GPM6A: variants seen among roughly 807,000 people sequenced by gnomAD.
The protein encoded by GPM6A is neuronal membrane glycoprotein M6-a.
Under a neutral mutation model 32.1 loss-of-function variants are expected in GPM6A, and 7 were observed. That is an observed-to-expected ratio of 0.22 (90% CI 0.12 to 0.41). The LOEUF is 0.41. Among genes scored for constraint, GPM6A ranks in the 10% least tolerant of loss-of-function variants. GPM6A has a pLI of 1.00. For missense variants in GPM6A, 235 were observed against 347.2 expected (o/e 0.68, Z 2.57); for synonymous variants, 130 against 123.4 (o/e 1.05, Z -0.35).
chr4:175,771,347 G>C (rs972455759), intron 1 of GPM6A, among the ~76,000 whole-genome samples: 4 of 152,034 alleles, frequency 2.6e-5, no homozygotes, highest in African/African-American at 9.7e-5. Flanking sequence ...GCCGAGACAG[G>C]GGGATCATGA....
At chr4:175,887,101 C>A (rs890057155) in intron 1 of GPM6A, among the ~76,000 whole-genome samples, 1 of 151,776 alleles carries the variant, frequency 6.6e-6, no homozygotes, top group Middle Eastern at 3.2e-3. Flanking sequence ...ATATATGAAA[C>A]CTGGTACCCA....
chr4:175,848,409 T>A (rs1385263772), intron 1 of GPM6A, among the ~76,000 whole-genome samples: 1 of 152,168 alleles, frequency 6.6e-6, no homozygotes, highest in Non-Finnish European at 1.5e-5. Context: ...CCCTAGAGTT[T>A]CCTTTTTATT....
intron 1 of GPM6A, among the ~76,000 whole-genome samples, chr4:175,909,271 C>T (rs914258210): frequency 4.6e-5 from 7 of 152,042 alleles, no homozygotes; most frequent in South Asian, 2.1e-4. Flanking sequence ...CACATATCAG[C>T]GGTTGCTAAG....
chr4:175,799,455 C>CT (rs530928412), intron 1 of GPM6A, among the ~76,000 whole-genome samples: 281 of 152,092 alleles, frequency 1.8e-3, no homozygotes, highest in Middle Eastern at 6.8e-3. Flanking sequence ...ATCTAGGAAT[C>CT]TAAGAGTCAA....
At chr4:175,738,571 C>T (rs551251266) in intron 1 of GPM6A, among the ~76,000 whole-genome samples, 1 of 151,068 alleles carries the variant, frequency 6.6e-6, no homozygotes, top group South Asian at 2.1e-4. Flanking sequence ...GTAGGGAGAC[C>T]GAGAAGAGGG....
chr4:175,946,590 G>C (rs1739613479), intron 1 of GPM6A, among the ~76,000 whole-genome samples: 1 of 152,166 alleles, frequency 6.6e-6, no homozygotes, highest in Non-Finnish European at 1.5e-5. Context: ...TTTTGAGGCA[G>C]GTGGTCCATA....
At position 175,970,546 on chromosome 4, in the gene GPM6A, T is replaced by C. The variant is rs1740470226; in HGVS notation, c.-23+31763A>G. Reference sequence around the variant, plus strand: ...GCTACAAGGAATACACAGAAAGAGTTGGACAGAGTTCTTGCTGTCTTTGGA... The same window carrying C: ...GCTACAAGGAATACACAGAAAGAGTCGGACAGAGTTCTTGCTGTCTTTGGA... On this transcript the variant is annotated intron_variant, in intron 1 of 7. Transcript: ENST00000280187. Among the ~76,000 whole-genome samples, 3 of 152,228 alleles carry C rather than the reference T, an allele frequency of 2.0e-5. No homozygotes were observed. In the South Asian group the frequency reaches 6.2e-4, roughly 32 times the overall value.
chr4:175,816,853 C>CT (rs1315030066), upstream of GPM6A, among the ~76,000 whole-genome samples: 3 of 130,750 alleles, frequency 2.3e-5, no homozygotes, highest in African/African-American at 9.0e-5. Flanking sequence ...ATTTTCTTTT[C>CT]TTTTTTTTAT....
In GPM6A at chr4:175,800,440, C is replaced by T. The variant is rs1734429149; in HGVS notation, c.37+11751G>A. Among the ~76,000 whole-genome samples, 5 of 152,268 alleles carry T rather than the reference C, an allele frequency of 3.3e-5. No individual in the cohort carries two copies. In the South Asian group the frequency reaches 1.0e-3, roughly 32 times the overall value. On this transcript the variant is annotated intron_variant, in intron 1 of 6. Transcript: ENST00000393658. ...AAGAAAAGACCCTCCAACCTCTAGG[C>T]CAAATCTTGTCTAAAACAACTTAAT...
intron 1 of GPM6A, among the ~76,000 whole-genome samples, chr4:175,827,681 A>G (rs1034459027): frequency 4.6e-5 from 7 of 152,214 alleles, no homozygotes; most frequent in East Asian, 1.9e-4. Flanking sequence ...TTTGGTCCGC[A>G]TGATGTTCTG....
chr4:175,984,012 CTCTCTCTCTG>C (rs1579686040), intron 1 of GPM6A, among the ~76,000 whole-genome samples: 1 of 140,006 alleles, frequency 7.1e-6, no homozygotes, highest in East Asian at 2.1e-4. Context: ...CTCTCTCTGT[CTCTCTCTCTG>C]TCACACACAC....
intron 1 of GPM6A, among the ~76,000 whole-genome samples, chr4:175,896,438 T>C (rs1168440263): frequency 6.6e-6 from 1 of 152,114 alleles, no homozygotes; most frequent in Non-Finnish European, 1.5e-5. Context: ...TGAGTTCAGC[T>C]ATTCCTGAGA....
chr4:175,950,935 G>A (rs909244740), intron 1 of GPM6A, among the ~76,000 whole-genome samples: 25 of 152,270 alleles, frequency 1.6e-4, no homozygotes, highest in African/African-American at 5.5e-4. Context: ...ACTTACAGGA[G>A]CAGAGATAAT....
intron 1 of GPM6A, among the ~76,000 whole-genome samples, chr4:175,768,623 A>G (rs1409306861): frequency 6.6e-6 from 1 of 152,178 alleles, no homozygotes; most frequent in Non-Finnish European, 1.5e-5. Context: ...CATTGCCTAG[A>G]AAGTTCATTT....
intron 1 of GPM6A, among the ~76,000 whole-genome samples, chr4:175,901,628 C>CTTTTTTTTTTTTTTTTTTTT (rs59461626): frequency 7.9e-6 from 1 of 127,028 alleles, no homozygotes; most frequent in Non-Finnish European, 1.6e-5. Context: ...TTTTCTTTTT[C>CTTTTTTTTTTTTTTTTTTTT]TTTTTTTTTT....
intron 1 of GPM6A, among the ~76,000 whole-genome samples, chr4:175,878,162 C>G (rs1256836091): frequency 6.6e-6 from 1 of 152,190 alleles, no homozygotes; most frequent in Non-Finnish European, 1.5e-5. Context: ...TCCCTCCTGG[C>G]TGTTTTCATG....
At chr4:175,944,927 A>G (rs1739540625) in intron 1 of GPM6A, among the ~76,000 whole-genome samples, 1 of 152,180 alleles carries the variant, frequency 6.6e-6, no homozygotes, top group Admixed American at 6.5e-5. Flanking sequence ...ATTAGTCTTC[A>G]TGTACATTTT....
intron 1 of GPM6A, among the ~76,000 whole-genome samples, chr4:175,945,822 G>A (rs1337793819): frequency 2.0e-5 from 3 of 149,926 alleles, no homozygotes; most frequent in South Asian, 4.2e-4. Flanking sequence ...TCAGTAATAC[G>A]GGTGCATATT....
At chr4:175,637,299 A>ATATTATATATAATATATAATATATAT (rs1553967702) in intron 6 of GPM6A, among the ~76,000 whole-genome samples, 62 of 39,590 alleles carry the variant, frequency 1.6e-3, no homozygotes, top group African/African-American at 3.6e-3. Context: ...AATATATATT[A>ATATTATATATAATATATAATATATAT]TATATTATAT....
Sources: allele counts gnomAD v4.1 joint callset (sites outside exome capture counted in the v4.1 genomes callset), GRCh38; gene constraint gnomAD v4.1.1; transcripts MANE v1.5; gene names NCBI Gene and HGNC (gene_info 2026-07-23, HGNC 2026-07-21).